Variants in STAU2 observed in about 807,000 individuals in gnomAD.
The protein encoded by STAU2 is staufen double-stranded RNA binding protein 2.
STAU2 carries 20 observed loss-of-function variants against 65.9 expected under a neutral mutation model. The observed-to-expected ratio is 0.30, with a 90% CI of 0.21 to 0.44. The LOEUF is 0.44. Among genes scored for constraint, STAU2 ranks in the 20% least tolerant of loss-of-function variants. The pLI, the probability that STAU2 is intolerant of heterozygous loss-of-function variation, is 1.00. For missense variants in STAU2, 558 were observed against 683.9 expected (o/e 0.82, Z 2.05); for synonymous variants, 232 against 233.9 (o/e 0.99, Z 0.07).
At chr8:73,576,895 C>T (rs1158176314) in intron 12 of STAU2, among the ~76,000 whole-genome samples, 1 of 152,104 alleles carries the variant, frequency 6.6e-6, no homozygotes, top group Non-Finnish European at 1.5e-5. Context: ...TGAATTTCTG[C>T]AAGATATTTA....
chr8:73,565,424 C>A (rs1214942318), intron 12 of STAU2, among the ~76,000 whole-genome samples: 1 of 152,132 alleles, frequency 6.6e-6, no homozygotes, highest in Non-Finnish European at 1.5e-5. Flanking sequence ...GAACTATTAT[C>A]CAATTAAACC....
chr8:73,568,116 T>C (rs1392050592), intron 12 of STAU2, among the ~76,000 whole-genome samples: 2 of 152,212 alleles, frequency 1.3e-5, no homozygotes, highest in African/African-American at 2.4e-5. Context: ...TTGCTTATTT[T>C]AGTGCTTCAT....
chr8:73,666,221 T>C (rs752381087), intron 6 of STAU2, among the ~76,000 whole-genome samples: 16 of 152,186 alleles, frequency 1.1e-4, no homozygotes, highest in Non-Finnish European at 1.8e-4. Context: ...TCAGAATAAA[T>C]AGCACACCAA....
intron 4 of STAU2, among the ~76,000 whole-genome samples, chr8:73,694,094 C>T (rs1819539796): frequency 6.6e-6 from 1 of 152,048 alleles, no homozygotes; most frequent in Non-Finnish European, 1.5e-5. Context: ...AAGACTATTA[C>T]CAGTGGTAAC....
chr8:73,581,077 T>C (rs1403710597), intron 12 of STAU2, among the ~76,000 whole-genome samples: 1 of 152,150 alleles, frequency 6.6e-6, no homozygotes. Flanking sequence ...GTGATATTCC[T>C]TCCCATGTCT....
chr8:73,452,053 G>C (rs1308886790), intron 13 of STAU2, among the ~76,000 whole-genome samples: 3 of 152,230 alleles, frequency 2.0e-5, no homozygotes, highest in African/African-American at 7.2e-5. Flanking sequence ...GCTGGGTGCA[G>C]GGCTGAGCCA....
chr8:73,607,394 C>T (rs1264060351), intron 9 of STAU2, among the ~76,000 whole-genome samples: 1 of 152,022 alleles, frequency 6.6e-6, no homozygotes, highest in Non-Finnish European at 1.5e-5. Flanking sequence ...TTAACTTATA[C>T]ACAAGTTTAT....
chr8:73,654,656 A>AAAAAAAAAAAAAAAAAAAAAAAC (rs1563484753), intron 6 of STAU2, among the ~76,000 whole-genome samples: 5 of 141,550 alleles, frequency 3.5e-5, no homozygotes, highest in Non-Finnish European at 7.7e-5. Flanking sequence ...AAAAAAAAAA[A>AAAAAAAAAAAAAAAAAAAAAAAC]AAAAAGAACT....
chr8:73,710,829 T>C (rs28466874), intron 3 of STAU2, among the ~76,000 whole-genome samples: 10,964 of 152,028 alleles, frequency 0.072, 433 homozygotes, highest in Middle Eastern at 0.14. Context: ...TACAGTTCAA[T>C]TGTAGCCACA....
intron 13 of STAU2, among the ~76,000 whole-genome samples, chr8:73,492,026 G>C (rs1470372007): frequency 6.6e-6 from 1 of 151,848 alleles, no homozygotes; most frequent in Non-Finnish European, 1.5e-5. Context: ...GAAAGAGAGA[G>C]AGTTAATGGA....
chr8:73,521,434 G>A (rs79823319), intron 13 of STAU2, among the ~76,000 whole-genome samples: 3,414 of 152,184 alleles, frequency 0.022, 110 homozygotes, highest in African/African-American at 0.076. Flanking sequence ...AATAATGTAC[G>A]GAGAGCCTAG....
chr8:73,686,555 A>T (rs1818841168), intron 5 of STAU2, among the ~76,000 whole-genome samples: 1 of 151,780 alleles, frequency 6.6e-6, no homozygotes, highest in Non-Finnish European at 1.5e-5. Context: ...CCTCAAAAAA[A>T]AAAAAAAACA....
intron 2 of STAU2, among the ~76,000 whole-genome samples, chr8:73,739,524 A>G (rs1806687142): frequency 6.6e-6 from 1 of 152,208 alleles, no homozygotes; most frequent in Admixed American, 6.5e-5. Context: ...ATACATACAC[A>G]AACACACACC....
intron 13 of STAU2, among the ~76,000 whole-genome samples, chr8:73,466,501 A>G (rs1819662681): frequency 6.6e-6 from 1 of 152,220 alleles, no homozygotes; most frequent in African/African-American, 2.4e-5. Context: ...GGTAAACTTA[A>G]GCCAGTGTCA....
At chr8:73,615,832 T>G in intron 7 of STAU2, 50 bp from the exon 8 acceptor site, 1 of 1,380,086 alleles carries the variant, frequency 7.2e-7, no homozygotes, top group Non-Finnish European at 1.0e-6. Flanking sequence ...TATAACAAAC[T>G]TTACTTTTAT....
At chr8:73,598,049 A>G (rs1012647862) in intron 10 of STAU2, among the ~76,000 whole-genome samples, 1 of 152,210 alleles carries the variant, frequency 6.6e-6, no homozygotes, top group African/African-American at 2.4e-5. Context: ...ACTCATGAAC[A>G]TAGATGCAAA....
intron 6 of STAU2, among the ~76,000 whole-genome samples, chr8:73,633,983 A>G (rs1160857934): frequency 2.6e-5 from 4 of 152,146 alleles, no homozygotes; most frequent in Non-Finnish European, 4.4e-5. Flanking sequence ...ATCTCAAAAA[A>G]AAGAAAAAGA....
intron 13 of STAU2, chr8:73,527,839 T>TGG: frequency 1.4e-6 from 2 of 1,460,182 alleles, no homozygotes; most frequent in Non-Finnish European, 1.9e-6. Flanking sequence ...CTGAACACCA[T>TGG]TTTCAGAGGG....
chr8:73,646,699 C>CA lies in STAU2; in HGVS notation c.410+26407dup, dbSNP rs983461648. ...AGACTTGATACCCAAAGCACACTCA[C>CA]AAAAAAAACTGATAAACTGGACTTC... On this transcript the variant is annotated intron_variant, in intron 6 of 14. Coordinates refer to ENST00000524300, the MANE Select transcript of STAU2 (RefSeq NM_001164380.2). Among the ~76,000 whole-genome samples, 49 of 151,308 alleles carry CA rather than the reference C, an allele frequency of 3.2e-4. 1 individual carries two copies. Among genetic ancestry groups the CA allele is most frequent in the African/African-American group, 4.1e-4 (17 of 41,212 alleles).
Sources: gnomAD v4.1 joint callset for allele counts (sites outside exome capture counted in the v4.1 genomes callset) on GRCh38, gnomAD v4.1.1 for gene constraint, MANE v1.5 for transcripts, NCBI Gene and HGNC (gene_info 2026-07-23, HGNC 2026-07-21) for gene names.